Variants in CCDC40 observed in about 807,000 individuals in gnomAD.
The protein encoded by CCDC40 is coiled-coil domain-containing protein 40.
CCDC40 carries 104 observed loss-of-function variants against 124.5 expected under a neutral mutation model. That is an observed-to-expected ratio of 0.84 (90% CI 0.71 to 0.98). The LOEUF is 0.98. Ranked by LOEUF, CCDC40 falls within the 50% of genes least tolerant of loss-of-function variation. The pLI is 0.00. For missense variants in CCDC40, 1,463 were observed against 1,503.9 expected (o/e 0.97, Z 0.45); for synonymous variants, 580 against 602.9 (o/e 0.96, Z 0.56).
intron 7 of CCDC40, among the ~76,000 whole-genome samples, chr17:80,050,859 T>C (rs998139229): frequency 3.9e-5 from 6 of 152,122 alleles, no homozygotes; most frequent in African/African-American, 1.2e-4. Context: ...GGTCCCAGGA[T>C]AGATGAGACC....
Position 80,087,953 on chromosome 17 carries a change from C to T in CCDC40, c.2620-58C>T. 1.4e-6 allele frequency: 2 copies of T among 1,407,614 alleles called. No individual in the cohort carries two copies. Among genetic ancestry groups the T allele is most frequent in the Non-Finnish European group, 2.0e-6 (2 of 992,938 alleles). 87.2% of individuals were successfully genotyped at this position (1,407,614 alleles called of 1,614,324 possible). A position where few individuals can be genotyped will look rare whatever the true frequency, so the allele number is the denominator to read the frequency against. On this transcript the variant is annotated intron_variant, in intron 15 of 19. Transcript: ENST00000397545. This position sits in a 1 kb window ranked among gnomAD's most constrained non-coding sequence, Gnocchi z 4.5. ...GGTGCCGGGATAGAGGGCACCAGCCCCGGCATCCACAATCCCATGGCCCTC... is the reference window on the plus strand; with the variant it reads ...GGTGCCGGGATAGAGGGCACCAGCCTCGGCATCCACAATCCCATGGCCCTC...
intron 12 of CCDC40, 39 bp from the exon 13 acceptor site, chr17:80,084,704 G>A (rs373453911): frequency 5.6e-5 from 90 of 1,611,856 alleles, no homozygotes; most frequent in Non-Finnish European, 6.8e-5. Context: ...GGCCTTGGGT[G>A]GGGGCAATAT....
intron 5 of CCDC40, among the ~76,000 whole-genome samples, chr17:80,049,416 A>AG (rs1355952981): frequency 6.6e-6 from 1 of 151,572 alleles, no homozygotes; most frequent in Admixed American, 6.6e-5. Flanking sequence ...TCTCAAAAAA[A>AG]AAAAAAAAAA....
In CCDC40 at chr17:80,086,040, G is replaced by A. The variant is rs753843228; in HGVS notation, c.2273G>A (p.Arg758Lys). The change falls in exon 14 of 20, where the codon AGG becomes AAG. Residue 758 changes from arginine (R) to lysine (K), a missense_variant. Arg to Lys is a conservative substitution (Grantham distance 26, BLOSUM62 2). Coordinates refer to ENST00000397545, the MANE Select transcript of CCDC40 (RefSeq NM_017950.4). The surrounding 1 kb of genome is among the most constrained non-coding windows in gnomAD (Gnocchi z 5.5). ...GGGCCCCTGGAGCTTGAAATCAAAA[G>A]GCTGAGCAAGCTGATCGACGAGCAC... The part of the protein sequence containing the change: ...EVGPLELEIK[R>K]LSKLIDEHDG... 1 of 1,614,126 alleles carries A rather than the reference G, an allele frequency of 6.2e-7. No individual in the cohort carries two copies. The highest frequency in any genetic ancestry group is 1.1e-5 in the South Asian group (1 of 91,084).
chr17:80,091,321 ACACAC>A (rs1482136462), intron 17 of CCDC40, among the ~76,000 whole-genome samples: 98 of 151,302 alleles, frequency 6.5e-4, no homozygotes, highest in African/African-American at 2.3e-3. Context: ...ACACACACAC[ACACAC>A]ACACACACAC....
chr17:80,085,579 G>A lies in CCDC40; in HGVS notation c.2236-424G>A, dbSNP rs946785899. Among the ~76,000 whole-genome samples, 4 of 152,092 alleles carry A rather than the reference G, an allele frequency of 2.6e-5. No individual in the cohort carries two copies. In the East Asian group the frequency reaches 7.7e-4, roughly 29 times the overall value. On this transcript the variant is annotated intron_variant, in intron 13 of 19. Transcript: ENST00000397545. The stretch of plus-strand genomic sequence containing the variant: ...TGCTGAGAGCTAACTTGAGCCCCTC[G>A]GCCTTCGTCCAGTTTCATGACCTCA...
In CCDC40 at chr17:80,055,997, TATATATATA is replaced by T. The variant is rs1186930027; in HGVS notation, c.1160-2496_1160-2488del. ...GCTAATTTTCATATATATATATATA[TATATATATA>T]TATATATATATTTTTTTTTTTTTTT... On this transcript the variant is annotated intron_variant, in intron 7 of 19. Coordinates refer to ENST00000397545, the MANE Select transcript of CCDC40 (RefSeq NM_017950.4). 5.5e-3 allele frequency among the ~76,000 whole-genome samples: 66 copies of T among 11,922 alleles called. 4 individuals carry two copies. The highest frequency in any genetic ancestry group is 7.0e-3 in the Non-Finnish European group (20 of 2,838). 7.8% of individuals were successfully genotyped at this position (11,922 alleles called of 152,430 possible).
chr17:80,047,733 C>A (rs1488416089), intron 4 of CCDC40, among the ~76,000 whole-genome samples: 1 of 152,178 alleles, frequency 6.6e-6, no homozygotes, highest in African/African-American at 2.4e-5. Flanking sequence ...CCCTGACAGC[C>A]ATTTCTCACG....
Position 80,087,976 on chromosome 17 carries a change from C to G in CCDC40, c.2620-35C>G, listed in dbSNP as rs764433762. ...CCCCGGCATCCACAATCCCATGGCC[C>G]TCCCCACAGCTGTCCCGCCCCCTCC... On this transcript the variant is annotated intron_variant, in intron 15 of 19. Transcript: ENST00000397545. This position sits in a 1 kb window ranked among gnomAD's most constrained non-coding sequence, Gnocchi z 4.5. 56 of 1,506,990 alleles carry G rather than the reference C, an allele frequency of 3.7e-5. No individual in the cohort carries two copies. In the South Asian group the frequency reaches 4.0e-4, roughly 11 times the overall value. The allele number at this position is 1,506,990 out of a possible 1,614,324, so 93.4% of individuals were successfully genotyped here. A position where few individuals can be genotyped will look rare whatever the true frequency, so the allele number is the denominator to read the frequency against.
intron 17 of CCDC40, 192 bp downstream of exon 17, chr17:80,090,076 C>T: frequency 1.3e-6 from 2 of 1,536,848 alleles, no homozygotes; most frequent in Admixed American, 3.9e-5. Flanking sequence ...TCCAGCCGAG[C>T]ACTGGCAAAG....
intron 4 of CCDC40, 62 bp downstream of exon 4, chr17:80,047,464 G>A (rs948557869): frequency 2.4e-5 from 37 of 1,557,840 alleles, no homozygotes; most frequent in Non-Finnish European, 3.2e-5. Flanking sequence ...AGGCCCTTCT[G>A]TGCAAGGGAT....
Position 80,086,859 on chromosome 17 carries a change from C to T in CCDC40, c.2449+643C>T, listed in dbSNP as rs554259477. 5.7e-4 allele frequency: 91 copies of T among 159,088 alleles called. No homozygotes were observed. The highest frequency in any genetic ancestry group is 4.6e-4 in the Non-Finnish European group (33 of 72,034). The allele number at this position is 159,088 out of a possible 1,614,324, so 9.9% of individuals were successfully genotyped here. On this transcript the variant is annotated intron_variant, in intron 14 of 19. Coordinates refer to ENST00000397545, the MANE Select transcript of CCDC40 (RefSeq NM_017950.4). The surrounding 1 kb of genome is among the most constrained non-coding windows in gnomAD (Gnocchi z 5.5). ...CCTTCTCGGAGGTCCTGCTGCCTCT[C>T]GCCCTGCCCTTCTTGGGTTGCCCAA...
intron 7 of CCDC40, chr17:80,051,257 G>A: frequency 1.1e-6 from 1 of 950,438 alleles, no homozygotes; most frequent in Non-Finnish European, 1.3e-6. Context: ...CAGCTGTTCT[G>A]GAAAGAAACA....
Position 80,090,308 on chromosome 17 carries a change from C to A in CCDC40, c.2832+424C>A, listed in dbSNP as rs757652723. 6 of 1,329,306 alleles carry A rather than the reference C, an allele frequency of 4.5e-6. 2 individuals are homozygous for A. The South Asian group carries it at 4.7e-5, about 10-fold the overall frequency. The allele number at this position is 1,329,306 out of a possible 1,614,324, so 82.3% of individuals were successfully genotyped here. A position where few individuals can be genotyped will look rare whatever the true frequency, so the allele number is the denominator to read the frequency against. ...CACGGGACGCGCGCAGGCACGTGCA[C>A]GAACAACACGGGACGCGCGCAGGCA... On this transcript the variant is annotated intron_variant, in intron 17 of 19. Coordinates refer to ENST00000397545, the MANE Select transcript of CCDC40 (RefSeq NM_017950.4).
chr17:80,099,608 C>G lies in CCDC40; in HGVS notation c.3262C>G (p.Arg1088Gly). 6.2e-7 allele frequency: 1 copy of G among 1,613,732 alleles called. No homozygotes were observed. The highest frequency in any genetic ancestry group is 8.5e-7 in the Non-Finnish European group (1 of 1,180,012). ...GGAGGGGCGCTACGTGTTCCTGTTC[C>G]GCTCCAAGCAGTCCCTAGTGCTGGA... Reference protein sequence around the residue: ...VKEGRYVFLFRSKQSLVLERQ... With the variant: ...VKEGRYVFLFGSKQSLVLERQ... Residue 1088 changes from arginine to glycine, a missense_variant, in exon 20 of 20, where the codon CGC becomes GGC. By Grantham distance (125) the Arg-to-Gly change is moderately radical (BLOSUM62 -2). Coordinates refer to ENST00000397545, the MANE Select transcript of CCDC40 (RefSeq NM_017950.4).
chr17:80,078,414 C>T (rs2038364251), intron 10 of CCDC40, among the ~76,000 whole-genome samples: 2 of 151,850 alleles, frequency 1.3e-5, no homozygotes, highest in South Asian at 4.2e-4. Flanking sequence ...TAAAGTTTTC[C>T]AGGTCTCGCT....
chr17:80,096,121 G>A (rs572694556), intron 18 of CCDC40, among the ~76,000 whole-genome samples: 1 of 152,220 alleles, frequency 6.6e-6, no homozygotes, highest in Non-Finnish European at 1.5e-5. Flanking sequence ...GACCTGCAGG[G>A]CCTCGTCTGC....
At chr17:80,054,240 G>A (rs2037681065) in intron 7 of CCDC40, among the ~76,000 whole-genome samples, 2 of 152,150 alleles carry the variant, frequency 1.3e-5, no homozygotes, top group African/African-American at 4.8e-5. Flanking sequence ...ACAGTGTTGG[G>A]AATGAGGACA....
rs992376710 is a variant in CCDC40, at chr17:80,086,052, T to A, written c.2285T>A (p.Leu762Gln). ...LELEIKRLSK[L>Q]IDEHDGKAVQ... Reference sequence around the variant, plus strand: ...CTTGAAATCAAAAGGCTGAGCAAGCTGATCGACGAGCACGATGGCAAGGCG... The same window carrying A: ...CTTGAAATCAAAAGGCTGAGCAAGCAGATCGACGAGCACGATGGCAAGGCG... Residue 762 changes from leucine (L) to glutamine (Q), a missense_variant, in exon 14 of 20, where the codon CTG (leucine) becomes CAG (glutamine). Coordinates refer to ENST00000397545, the MANE Select transcript of CCDC40 (RefSeq NM_017950.4). This position sits in a 1 kb window ranked among gnomAD's most constrained non-coding sequence, Gnocchi z 5.5. 1.2e-6 allele frequency: 2 copies of A among 1,614,184 alleles called. No individual in the cohort carries two copies. Among genetic ancestry groups the A allele is most frequent in the Non-Finnish European group, 1.7e-6 (2 of 1,180,030 alleles).
Sources: allele counts gnomAD v4.1 joint callset (sites outside exome capture counted in the v4.1 genomes callset), GRCh38; gene constraint gnomAD v4.1.1; non-coding constraint Gnocchi (gnomAD v3.1); transcripts MANE v1.5; gene names NCBI Gene and HGNC (gene_info 2026-07-23, HGNC 2026-07-21).